The following ACAP1 variants were observed in gnomAD, a reference collection of about 807,000 sequenced individuals.
ACAP1 encodes ArfGAP with coiled-coil, ankyrin repeat and PH domains 1.
Under a neutral mutation model 98.8 loss-of-function variants are expected in ACAP1, and 45 were observed. That is an observed-to-expected ratio of 0.46 (90% confidence interval 0.36 to 0.58). ACAP1 has a LOEUF of 0.58. ACAP1 is among the 20% of genes least tolerant of loss of function. The pLI, the probability that ACAP1 is intolerant of heterozygous loss-of-function variation, is 0.00. For synonymous variants in ACAP1, 362 were observed against 375.3 expected, an observed-to-expected ratio of 0.96 and a Z score of 0.41; for missense variants, 735 against 971.4, an observed-to-expected ratio of 0.76 and a Z score of 3.24.
intron 5 of ACAP1, 118 bp downstream of exon 5, chr17:7,342,592 T>C: frequency 8.6e-7 from 1 of 1,165,152 alleles, no homozygotes; most frequent in Admixed American, 2.0e-5. Context: ...ATGGCGAAAC[T>C]GTCTCCACAA....
At position 7,343,133 on chromosome 17, in the gene ACAP1, G is replaced by A. The variant is rs1418906869; in HGVS notation, c.345-246G>A. ...ATTTTTTAAAGGGGGAGTGAGATGG[G>A]AGAGAAGGGGGCCTTATTTCTCGGA... is the stretch of plus-strand genomic sequence containing the variant. On this transcript the variant is annotated intron_variant, in intron 5 of 21. Transcript: ENST00000158762. The surrounding 1 kb of genome is among the most constrained non-coding windows in gnomAD (Gnocchi z 4.9). 5.0e-5 allele frequency: 23 copies of A among 457,756 alleles called. No homozygotes were observed. The highest frequency in any genetic ancestry group is 7.5e-5 in the Admixed American group (2 of 26,564). The allele number at this position is 457,756 out of a possible 1,614,324, so 28.4% of individuals were successfully genotyped here.
chr17:7,337,435 AG>A, intron 2 of ACAP1, 66 bp downstream of exon 2: 1 of 1,410,618 alleles, frequency 7.1e-7, no homozygotes, highest in Non-Finnish European at 1.0e-6. Flanking sequence ...CCAGGGAGAA[AG>A]CTGGAGACAC....
At chr17:7,340,355 G>C (rs1190496910) in intron 2 of ACAP1, among the ~76,000 whole-genome samples, 1 of 152,160 alleles carries the variant, frequency 6.6e-6, no homozygotes, top group Non-Finnish European at 1.5e-5. Flanking sequence ...CCTTTTTATT[G>C]CTGAGTACTG....
At chr17:7,341,124 T>C (rs1244575973) in intron 2 of ACAP1, among the ~76,000 whole-genome samples, 1 of 152,234 alleles carries the variant, frequency 6.6e-6, no homozygotes, top group Non-Finnish European at 1.5e-5. Context: ...ATGGGACAAC[T>C]CCTAGCAGTA....
intron 1 of ACAP1, among the ~76,000 whole-genome samples, chr17:7,337,106 C>T (rs544745059): frequency 6.6e-6 from 1 of 152,312 alleles, no homozygotes; most frequent in Admixed American, 6.5e-5. Flanking sequence ...CACATCCACC[C>T]TCCTTCTACC....
intron 10 of ACAP1, 157 bp from the exon 11 acceptor site, chr17:7,346,087 T>C: frequency 1.4e-6 from 1 of 723,590 alleles, no homozygotes; most frequent in Non-Finnish European, 2.5e-6. Context: ...GATGTTCCAA[T>C]CTGCACAATT....
At chr17:7,337,937 A>C (rs974651292) in intron 2 of ACAP1, among the ~76,000 whole-genome samples, 2 of 152,090 alleles carry the variant, frequency 1.3e-5, no homozygotes, top group Admixed American at 6.6e-5. Flanking sequence ...TTCAGGGAGG[A>C]CAAGATCATT....
At position 7,343,739 on chromosome 17, in the gene ACAP1, A is replaced by G. The variant is rs771432742; in HGVS notation, c.562A>G (p.Ile188Val). 4 of 1,613,978 alleles carry G rather than the reference A, an allele frequency of 2.5e-6. No homozygotes were observed. The African/African-American group carries it at 5.3e-5, about 22-fold the overall frequency. The change falls in exon 7 of 22, where the codon ATC becomes GTC. Residue 188 changes from isoleucine to valine, a missense_variant. By Grantham distance (29) the Ile-to-Val change is conservative. This residue lies in a region of ACAP1 where 430 missense variants were observed against 531.8 expected (regional missense o/e 0.81). Coordinates refer to ENST00000158762, the MANE Select transcript of ACAP1 (RefSeq NM_014716.4). This position sits in a 1 kb window ranked among gnomAD's most constrained non-coding sequence, Gnocchi z 4.9. Reference sequence around the variant, plus strand: ...GATTGAGGACAAGAGGAAGTTTGACATCATGGAGTTTGTGAGTTGTGGCGG... The same window carrying G: ...GATTGAGGACAAGAGGAAGTTTGACGTCATGGAGTTTGTGAGTTGTGGCGG... ...NVIEDKRKFD[I>V]MEFVLRLVEA...
At chr17:7,347,379 C>T in intron 14 of ACAP1, 137 bp downstream of exon 14, 1 of 923,358 alleles carries the variant, frequency 1.1e-6, no homozygotes. Flanking sequence ...TCACTGGGTA[C>T]CAGGCCTGGG....
chr17:7,341,841 A>G, intron 2 of ACAP1, 107 bp from the exon 3 acceptor site: 1 of 1,522,484 alleles, frequency 6.6e-7, no homozygotes. Context: ...AGGCAGGAAT[A>G]GGGGAGCGCC....
rs764202587 is a variant in ACAP1, at chr17:7,348,253, G to A, written c.1508+32G>A. ...TTGGGGTTTAGCCTCCCAGGGGAAT[G>A]GGGGACCCCTGGAGCAGAAGAGGGA... On this transcript the variant is annotated intron_variant, in intron 16 of 21. Transcript: ENST00000158762. 6 of 1,611,054 alleles carry A rather than the reference G, an allele frequency of 3.7e-6. No individual in the cohort carries two copies. The South Asian group carries it at 6.6e-5, about 18-fold the overall frequency.
intron 5 of ACAP1, 41 bp downstream of exon 5, chr17:7,342,515 C>T (rs2073296066): frequency 1.9e-6 from 3 of 1,604,838 alleles, no homozygotes; most frequent in Admixed American, 1.7e-5. Context: ...CCTGTAATCC[C>T]AACACTTTGG....
chr17:7,346,608 T>C lies in ACAP1; in HGVS notation c.1007+117T>C, dbSNP rs938634816. ...AGCTCCAGACTTTAATTTAATTCTT[T>C]GGCGGCTGGACTGGGGGGCCATTGT... On this transcript the variant is annotated intron_variant, in intron 12 of 21. Transcript: ENST00000158762. The C allele has an allele frequency of 6.6e-6, 8 of 1,211,370 alleles. No individual in the cohort carries two copies. In the Admixed American group the frequency reaches 1.4e-4, roughly 21 times the overall value. 75.0% of individuals were successfully genotyped at this position (1,211,370 alleles called of 1,614,324 possible). A position where few individuals can be genotyped will look rare whatever the true frequency, so the allele number is the denominator to read the frequency against.
intron 21 of ACAP1, 43 bp downstream of exon 21, chr17:7,351,042 ACT>A: frequency 1.3e-6 from 2 of 1,589,748 alleles, no homozygotes; most frequent in Non-Finnish European, 1.7e-6. Flanking sequence ...CAACACCTGA[ACT>A]CTGGGCTTCT....
chr17:7,341,832 G>A, intron 2 of ACAP1, 116 bp from the exon 3 acceptor site: 2 of 1,480,368 alleles, frequency 1.4e-6, no homozygotes, highest in East Asian at 4.6e-5. Flanking sequence ...AGTGAGGCCA[G>A]GCAGGAATAG....
chr17:7,351,033 A>G (rs2073404238), intron 21 of ACAP1, 34 bp downstream of exon 21: 1 of 1,602,952 alleles, frequency 6.2e-7, no homozygotes, highest in Non-Finnish European at 8.5e-7. Flanking sequence ...CCCCAGGCCC[A>G]ACACCTGAAC....
chr17:7,351,160 G>A, intron 21 of ACAP1, 135 bp from the exon 22 acceptor site: 1 of 1,092,600 alleles, frequency 9.2e-7, no homozygotes, highest in Non-Finnish European at 1.3e-6. Context: ...AGGCATAGGT[G>A]CTGGCGCAGT....
chr17:7,342,207 TG>T (rs1555541699), intron 3 of ACAP1, 67 bp from the exon 4 acceptor site: 31 of 1,608,904 alleles, frequency 1.9e-5, no homozygotes, highest in Non-Finnish European at 2.4e-5. Flanking sequence ...CGTAGCAGGC[TG>T]GGTCTCGAGT....
chr17:7,347,344 C>G, intron 14 of ACAP1, 102 bp downstream of exon 14: 5 of 1,167,442 alleles, frequency 4.3e-6, no homozygotes, highest in Non-Finnish European at 6.0e-6. Flanking sequence ...CCTGTCCTGG[C>G]TTCCTCTCTT....
Sources: allele counts gnomAD v4.1 joint callset (sites outside exome capture counted in the v4.1 genomes callset), GRCh38; gene constraint gnomAD v4.1.1; regional missense constraint gnomAD v4.1.1; non-coding constraint Gnocchi (gnomAD v3.1); transcripts MANE v1.5; gene names NCBI Gene and HGNC (gene_info 2026-07-23, HGNC 2026-07-21).